Variants in MTUS2 observed in about 807,000 individuals in gnomAD.
MTUS2 encodes microtubule associated scaffold protein 2.
MTUS2 carries 40 observed loss-of-function variants against 114.1 expected under a neutral mutation model. That is an observed-to-expected ratio of 0.35 (90% CI 0.27 to 0.46). MTUS2 has a LOEUF of 0.46. Ranked by LOEUF, MTUS2 falls within the 20% of genes least tolerant of loss-of-function variation. The pLI is 1.00. For synonymous variants in MTUS2, 688 were observed against 672.0 expected, an observed-to-expected ratio of 1.02 and a Z score of -0.37; for missense variants, 1,679 against 1,705.4, an observed-to-expected ratio of 0.98 and a Z score of 0.27.
chr13:28,998,430 A>G (rs149358668), intron 2 of MTUS2, among the ~76,000 whole-genome samples: 7 of 152,194 alleles, frequency 4.6e-5, no homozygotes, highest in Middle Eastern at 3.4e-3. Flanking sequence ...GAATTTGAAT[A>G]TTGGCCTGCC....
At chr13:29,268,702 G>A (rs982850060) in intron 5 of MTUS2, among the ~76,000 whole-genome samples, 6 of 151,900 alleles carry the variant, frequency 3.9e-5, no homozygotes, top group African/African-American at 1.5e-4. Context: ...ATAGCATACT[G>A]TGGAATTCTA....
At chr13:29,217,829 G>A (rs1397141284) in intron 5 of MTUS2, among the ~76,000 whole-genome samples, 1 of 152,166 alleles carries the variant, frequency 6.6e-6, no homozygotes, top group Non-Finnish European at 1.5e-5. Context: ...TTTCAACAAT[G>A]TTCACAGGCC....
At chr13:29,410,097 G>A (rs920566950) in intron 8 of MTUS2, among the ~76,000 whole-genome samples, 3 of 150,842 alleles carry the variant, frequency 2.0e-5, no homozygotes, top group East Asian at 2.0e-4. Flanking sequence ...CTGTTTCCTC[G>A]AACCCTTGCC....
chr13:29,060,149 T>A (rs1333317647), intron 4 of MTUS2, among the ~76,000 whole-genome samples: 2 of 152,178 alleles, frequency 1.3e-5, no homozygotes, highest in Non-Finnish European at 2.9e-5. Flanking sequence ...GTCTTACTGC[T>A]CCCAAGCACC....
chr13:28,993,949 C>T (rs187125054), intron 2 of MTUS2, among the ~76,000 whole-genome samples: 6 of 151,890 alleles, frequency 4.0e-5, no homozygotes, highest in African/African-American at 4.8e-5. Flanking sequence ...ATGTGCACAA[C>T]GTGCAGGTTT....
rs142961109 is a variant in MTUS2 at position 29,032,462 on chromosome 13, C to G, written c.2206-1423C>G. Reference sequence around the variant, plus strand: ...TGCAATGGGACCCAAAATTTAGAAACTAAAATTAAAAAAGGGTATATATGA... The same window carrying G: ...TGCAATGGGACCCAAAATTTAGAAAGTAAAATTAAAAAAGGGTATATATGA... On this transcript the variant is annotated intron_variant, in intron 3 of 15. Coordinates refer to ENST00000612955, the MANE Select transcript of MTUS2 (RefSeq NM_001033602.4). Among the ~76,000 whole-genome samples, 981 of 151,878 alleles carry G rather than the reference C, an allele frequency of 6.5e-3. 11 individuals carry two copies. Among genetic ancestry groups the G allele is most frequent in the African/African-American group, 0.023 (938 of 41,418 alleles).
intron 8 of MTUS2, among the ~76,000 whole-genome samples, chr13:29,394,889 T>A (rs1274692223): frequency 2.6e-5 from 4 of 152,038 alleles, no homozygotes; most frequent in African/African-American, 9.7e-5. Context: ...TGCCTGATGA[T>A]CTAAGGTGGA....
chr13:29,461,502 T>C (rs1879493012), intron 9 of MTUS2, among the ~76,000 whole-genome samples: 1 of 152,198 alleles, frequency 6.6e-6, no homozygotes, highest in African/African-American at 2.4e-5. Flanking sequence ...CTCACACATA[T>C]ACAGACAAAG....
At chr13:28,933,186 T>C (rs1881713956) in intron 2 of MTUS2, among the ~76,000 whole-genome samples, 1 of 152,026 alleles carries the variant, frequency 6.6e-6, no homozygotes, top group Admixed American at 6.6e-5. Flanking sequence ...TGTTAACTTA[T>C]CTATTTATCA....
intron 5 of MTUS2, among the ~76,000 whole-genome samples, chr13:29,108,871 A>G (rs932058185): frequency 2.0e-5 from 3 of 152,190 alleles, no homozygotes; most frequent in East Asian, 1.9e-4. Flanking sequence ...GTAATTGACA[A>G]CCTTCTGAAT....
At position 29,424,796 on chromosome 13, in the gene MTUS2, C is replaced by T. The variant is rs72623485; in HGVS notation, c.3118-15187C>T. 9.3e-4 allele frequency among the ~76,000 whole-genome samples: 142 copies of T among 152,164 alleles called. 1 individual carries two copies. In the East Asian group the frequency reaches 0.027, roughly 29 times the overall value. On this transcript the variant is annotated intron_variant, in intron 8 of 15. Transcript: ENST00000612955. ...GCATGTAGGACATTCTACAGGGCGG[C>T]TGACCCAGTTTCTGAACAAGTCAAT...
chr13:29,240,757 C>G (rs17073118), intron 5 of MTUS2, among the ~76,000 whole-genome samples: 9,147 of 152,096 alleles, frequency 0.06, 296 homozygotes, highest in Middle Eastern at 0.078. Flanking sequence ...CAAACAAATG[C>G]AGTTTTTACA....
chr13:29,145,445 G>A (rs868075231), intron 5 of MTUS2, among the ~76,000 whole-genome samples: 1 of 152,154 alleles, frequency 6.6e-6, no homozygotes, highest in East Asian at 1.9e-4. Context: ...GCTCAAACCC[G>A]GGAGATGGAG....
At chr13:29,076,740 C>G (rs982799976) in intron 4 of MTUS2, among the ~76,000 whole-genome samples, 1 of 152,144 alleles carries the variant, frequency 6.6e-6, no homozygotes, top group Non-Finnish European at 1.5e-5. Flanking sequence ...AAGTCACACA[C>G]TTCGCTTCCT....
chr13:29,240,976 C>T (rs1319053909), intron 5 of MTUS2, among the ~76,000 whole-genome samples: 1 of 152,260 alleles, frequency 6.6e-6, no homozygotes, highest in Admixed American at 6.5e-5. Flanking sequence ...TTTCTCCTTT[C>T]TCTGCCCTTA....
At chr13:29,142,995 G>A (rs185430334) in intron 5 of MTUS2, among the ~76,000 whole-genome samples, 4 of 152,336 alleles carry the variant, frequency 2.6e-5, no homozygotes, top group Admixed American at 2.0e-4. Context: ...AAAAACCAGA[G>A]AAGATTGGAT....
intron 7 of MTUS2, among the ~76,000 whole-genome samples, chr13:29,326,790 G>T (rs900399558): frequency 2.6e-5 from 4 of 152,126 alleles, no homozygotes; most frequent in African/African-American, 9.7e-5. Context: ...ACACCAGCCT[G>T]ACCAACATGG....
rs146458290 is a variant in MTUS2 at position 29,331,593 on chromosome 13, A to G, written c.2905+6882A>G. ...AAGGCTACAGTAACCTTCCAATACT[A>G]TGTTGAATAGGAGTGGTGAGAGAGG... On this transcript the variant is annotated intron_variant, in intron 7 of 15. Coordinates refer to ENST00000612955, the MANE Select transcript of MTUS2 (RefSeq NM_001033602.4). Among the ~76,000 whole-genome samples, 1,098 of 152,270 alleles carry G rather than the reference A, an allele frequency of 7.2e-3. 12 individuals are homozygous for G. Among genetic ancestry groups the G allele is most frequent in the African/African-American group, 0.025 (1,050 of 41,558 alleles).
chr13:29,254,704 C>T (rs1034963759), intron 5 of MTUS2, among the ~76,000 whole-genome samples: 1 of 152,228 alleles, frequency 6.6e-6, no homozygotes, highest in Admixed American at 6.5e-5. Flanking sequence ...ATTCATTTAG[C>T]TTTCTCTGCA....
Sources: gnomAD v4.1 joint callset for allele counts (sites outside exome capture counted in the v4.1 genomes callset) on GRCh38, gnomAD v4.1.1 for gene constraint, MANE v1.5 for transcripts, NCBI Gene and HGNC (gene_info 2026-07-23, HGNC 2026-07-21) for gene names.